The following CDC40 variants were observed in gnomAD, a reference collection of about 807,000 sequenced individuals.
The protein encoded by CDC40 is cell division cycle 40, also known as pre-mRNA-processing factor 17.
Under a neutral mutation model 80.6 loss-of-function variants are expected in CDC40, and 27 were observed. That is an observed-to-expected ratio of 0.33 (90% CI 0.25 to 0.46). The LOEUF is 0.46. Among genes scored for constraint, CDC40 ranks in the 20% least tolerant of loss-of-function variants. The probability of loss-of-function intolerance (pLI) is 1.00; values close to 1 mark genes in which losing one functional copy is unlikely to be tolerated. For missense variants in CDC40, 486 were observed against 694.1 expected (o/e 0.70, Z 3.37); for synonymous variants, 221 against 232.6 (o/e 0.95, Z 0.45).
In CDC40 at chr6:110,193,563, C is replaced by T. The variant is rs955846575; in HGVS notation, c.276+295C>T. On this transcript the variant is annotated intron_variant, in intron 2 of 14. Transcript: ENST00000307731. The stretch of plus-strand genomic sequence containing the variant: ...GGGACTACAGGCGCCCACCACCACG[C>T]CTGGCTAATTTTTTTGTATTTTTAG... Among the ~76,000 whole-genome samples the T allele has an allele frequency of 8.6e-5, 13 of 150,600 alleles. 1 individual carries two copies. In the South Asian group the frequency reaches 2.5e-3, roughly 29 times the overall value.
At chr6:110,214,151 G>A (rs901523294) in intron 8 of CDC40, among the ~76,000 whole-genome samples, 9 of 152,016 alleles carry the variant, frequency 5.9e-5, no homozygotes, top group Admixed American at 4.6e-4. Flanking sequence ...AAAATGACAG[G>A]CCAACATTTT....
intron 9 of CDC40, 79 bp downstream of exon 9, chr6:110,215,410 A>G (rs1394084014): frequency 3.6e-6 from 4 of 1,100,096 alleles, no homozygotes; most frequent in Non-Finnish European, 2.8e-6. Flanking sequence ...TAACTTTACT[A>G]CACCGATAGG....
chr6:110,193,648 G>T (rs1327692863), intron 2 of CDC40, among the ~76,000 whole-genome samples: 1 of 151,974 alleles, frequency 6.6e-6, no homozygotes, highest in Non-Finnish European at 1.5e-5. Flanking sequence ...CTCATGATCC[G>T]CCCTCCTGGG....
chr6:110,181,675 TCTC>T lies in CDC40; in HGVS notation c.189+1045_189+1047del, dbSNP rs1326048738. ...GCCCCTCCAGTAACCTCCTGAGTCT[TCTC>T]CTTTCACAGCTCAGCTTTTTGGAGC... is the stretch of plus-strand genomic sequence containing the variant. On this transcript the variant is annotated intron_variant, in intron 1 of 14. Coordinates refer to ENST00000307731, the MANE Select transcript of CDC40 (RefSeq NM_015891.3). Among the ~76,000 whole-genome samples the T allele has an allele frequency of 6.6e-5, 10 of 152,318 alleles. No homozygotes were observed. The South Asian group carries it at 1.9e-3, about 28-fold the overall frequency.
At chr6:110,199,772 G>T (rs945132968) in intron 2 of CDC40, among the ~76,000 whole-genome samples, 6 of 152,102 alleles carry the variant, frequency 3.9e-5, no homozygotes, top group African/African-American at 1.2e-4. Flanking sequence ...GTGAGTAACA[G>T]TTAAGAACAA....
intron 14 of CDC40, among the ~76,000 whole-genome samples, chr6:110,229,353 G>GTTACA (rs1239707398): frequency 6.6e-6 from 1 of 152,124 alleles, no homozygotes; most frequent in African/African-American, 2.4e-5. Flanking sequence ...TTACAGTGTT[G>GTTACA]CAGTTACAGC....
chr6:110,210,321 G>A (rs1236473863), intron 5 of CDC40, among the ~76,000 whole-genome samples: 6 of 151,722 alleles, frequency 4.0e-5, no homozygotes, highest in African/African-American at 7.3e-5. Context: ...AGGCCGAGGC[G>A]GGCGCATTGC....
intron 3 of CDC40, among the ~76,000 whole-genome samples, chr6:110,203,289 T>C (rs1777516353): frequency 6.6e-6 from 1 of 152,208 alleles, no homozygotes; most frequent in Admixed American, 6.5e-5. Context: ...CCTATAATTT[T>C]CTTATAGAAA....
chr6:110,216,806 A>G (rs1777705136), intron 9 of CDC40, among the ~76,000 whole-genome samples: 1 of 152,182 alleles, frequency 6.6e-6, no homozygotes, highest in Non-Finnish European at 1.5e-5. Flanking sequence ...TGTAACTTTT[A>G]AAAGAGTTGA....
At chr6:110,190,297 A>G (rs1407971003) in intron 1 of CDC40, among the ~76,000 whole-genome samples, 1 of 152,228 alleles carries the variant, frequency 6.6e-6, no homozygotes, top group Admixed American at 6.5e-5. Flanking sequence ...CAGCACAGAA[A>G]GCATCAAAGT....
In CDC40 at chr6:110,180,492, A is replaced by G. The variant is rs1353469611; in HGVS notation, c.48A>G (p.Ser16=). ...AALAASYGSG[S]GSESDSDSES... is the part of the protein sequence containing the mutation. The stretch of plus-strand genomic sequence containing the variant: ...TGGCCGCTTCCTATGGTTCGGGTTC[A>G]GGGTCCGAATCGGACTCGGACAGTG... The change falls in exon 1 of 15, where the codon TCA becomes TCG. Residue 16 remains serine (S), a synonymous_variant. Transcript: ENST00000307731. 3.7e-6 allele frequency: 6 copies of G among 1,614,078 alleles called. No homozygotes were observed. The Admixed American group carries it at 8.3e-5, about 22-fold the overall frequency.
At position 110,230,404 on chromosome 6, in the gene CDC40, C is replaced by T. The variant is rs1057487709; in HGVS notation, c.*273C>T. The T allele has an allele frequency of 2.7e-5, 8 of 293,522 alleles. No individual in the cohort carries two copies. The highest frequency in any genetic ancestry group is 2.6e-4 in the Admixed American group (5 of 19,094). The allele number at this position is 293,522 out of a possible 1,614,324, so 18.2% of individuals were successfully genotyped here. ...AGTTTGAGTTTATACTCATGACATACTGAAAGCATCTCTTTGGGGTCAAGA... is the reference window on the plus strand; with the variant it reads ...AGTTTGAGTTTATACTCATGACATATTGAAAGCATCTCTTTGGGGTCAAGA... On this transcript the variant is annotated 3_prime_UTR_variant, in exon 15 of 15. Coordinates refer to ENST00000307731, the MANE Select transcript of CDC40 (RefSeq NM_015891.3).
chr6:110,228,644 A>C (rs1777895832), intron 13 of CDC40, among the ~76,000 whole-genome samples, 188 bp from the exon 14 acceptor site: 1 of 152,132 alleles, frequency 6.6e-6, no homozygotes, highest in African/African-American at 2.4e-5. Flanking sequence ...CCATTAGTTT[A>C]TATATTAATA....
rs1431159319 is a variant in CDC40 at position 110,228,504 on chromosome 6, A to G, written c.1418-328A>G. Among the ~76,000 whole-genome samples, 4 of 152,238 alleles carry G rather than the reference A, an allele frequency of 2.6e-5. No individual in the cohort carries two copies. The East Asian group carries it at 7.7e-4, about 29-fold the overall frequency. On this transcript the variant is annotated intron_variant, in intron 13 of 14. Coordinates refer to ENST00000307731, the MANE Select transcript of CDC40 (RefSeq NM_015891.3). ...CATAGTTCTGTTGTCTATACTTACTATAAATTAATTTCATTTCACAACTTT... is the reference window on the plus strand; with the variant it reads ...CATAGTTCTGTTGTCTATACTTACTGTAAATTAATTTCATTTCACAACTTT...
At chr6:110,199,807 C>T (rs1366755138) in intron 2 of CDC40, among the ~76,000 whole-genome samples, 1 of 151,956 alleles carries the variant, frequency 6.6e-6, no homozygotes, top group African/African-American at 2.4e-5. Flanking sequence ...ACTTTAGATT[C>T]CCCACCATGC....
At chr6:110,190,336 G>A (rs1029352475) in intron 1 of CDC40, among the ~76,000 whole-genome samples, 1 of 152,188 alleles carries the variant, frequency 6.6e-6, no homozygotes, top group African/African-American at 2.4e-5. Flanking sequence ...TCAGCAATTA[G>A]TCTAATATGA....
At chr6:110,183,927 A>G (rs1177134837) in intron 1 of CDC40, among the ~76,000 whole-genome samples, 1 of 151,772 alleles carries the variant, frequency 6.6e-6, no homozygotes, top group Non-Finnish European at 1.5e-5. Context: ...TCCTTTGTCA[A>G]TTGTGTGTGT....
At chr6:110,207,950 A>G (rs1428763123) in intron 4 of CDC40, among the ~76,000 whole-genome samples, 2 of 152,220 alleles carry the variant, frequency 1.3e-5, no homozygotes, top group African/African-American at 4.8e-5. Context: ...ATTTTAACAG[A>G]GTAGAAATAC....
intron 4 of CDC40, among the ~76,000 whole-genome samples, chr6:110,208,469 C>G (rs1292229233): frequency 6.6e-6 from 1 of 152,098 alleles, no homozygotes; most frequent in East Asian, 1.9e-4. Flanking sequence ...ACCAGAAACA[C>G]CCTCCTTCTC....
Sources: gnomAD v4.1 joint callset for allele counts (sites outside exome capture counted in the v4.1 genomes callset) on GRCh38, gnomAD v4.1.1 for gene constraint, MANE v1.5 for transcripts, NCBI Gene and HGNC (gene_info 2026-07-23, HGNC 2026-07-21) for gene names.